Variants in PDZRN3 observed in about 807,000 individuals in gnomAD.
PDZRN3 encodes the protein E3 ubiquitin-protein ligase PDZRN3.
A neutral mutation model predicts 85.7 loss-of-function variants in PDZRN3; 38 were observed. That is an observed-to-expected ratio of 0.44 (90% confidence interval 0.34 to 0.58). The LOEUF (loss-of-function observed/expected upper bound fraction) is 0.58. Ranked by LOEUF, PDZRN3 falls within the 20% of genes least tolerant of loss-of-function variation. The pLI is 0.01. For synonymous variants in PDZRN3, 759 were observed against 638.0 expected (o/e 1.19, Z -2.86); for missense variants, 1,629 against 1,506.4 (o/e 1.08, Z -1.35).
intron 5 of PDZRN3, among the ~76,000 whole-genome samples, chr3:73,400,436 T>C (rs1001293954): frequency 6.6e-6 from 1 of 152,210 alleles, no homozygotes; most frequent in Admixed American, 6.5e-5. Flanking sequence ...AGTTGCAGAC[T>C]TGTTTAATTT....
At chr3:73,458,329 T>G (rs1296338020) in intron 3 of PDZRN3, among the ~76,000 whole-genome samples, 1 of 151,630 alleles carries the variant, frequency 6.6e-6, no homozygotes, top group Non-Finnish European at 1.5e-5. Flanking sequence ...TGCCAATACC[T>G]CTCTTTCAGA....
At chr3:73,399,475 G>A (rs1701707088) in intron 5 of PDZRN3, among the ~76,000 whole-genome samples, 4 of 152,198 alleles carry the variant, frequency 2.6e-5, no homozygotes, top group Admixed American at 6.5e-5. Flanking sequence ...AATCTGTTTC[G>A]TTGTCTTCAG....
intron 3 of PDZRN3, among the ~76,000 whole-genome samples, chr3:73,518,635 C>T (rs1462426346): frequency 6.6e-6 from 1 of 152,060 alleles, no homozygotes; most frequent in African/African-American, 2.4e-5. Context: ...AAACAACAGA[C>T]ATTTATTTTC....
intron 3 of PDZRN3, among the ~76,000 whole-genome samples, chr3:73,502,942 T>G (rs1318382332): frequency 1.3e-5 from 2 of 152,230 alleles, no homozygotes; most frequent in African/African-American, 4.8e-5. Context: ...TTTTGATCTG[T>G]TAAGTAAGAA....
intron 3 of PDZRN3, among the ~76,000 whole-genome samples, chr3:73,555,637 T>C (rs1411359569): frequency 2.6e-5 from 4 of 152,176 alleles, no homozygotes; most frequent in African/African-American, 9.7e-5. Flanking sequence ...TACCAAGTCC[T>C]ATACTTTGGG....
chr3:73,469,331 G>A (rs1409318393), intron 3 of PDZRN3, among the ~76,000 whole-genome samples: 2 of 152,188 alleles, frequency 1.3e-5, no homozygotes, highest in East Asian at 3.9e-4. Flanking sequence ...TCAGCCTCCC[G>A]AAGTGCTGGG....
intron 3 of PDZRN3, among the ~76,000 whole-genome samples, chr3:73,579,447 T>C (rs1055419810): frequency 3.3e-5 from 5 of 152,196 alleles, no homozygotes; most frequent in African/African-American, 9.7e-5. Flanking sequence ...TCAATTTGAG[T>C]TACCAGTTAT....
At chr3:73,509,100 A>G (rs1321332709) in intron 3 of PDZRN3, among the ~76,000 whole-genome samples, 2 of 152,220 alleles carry the variant, frequency 1.3e-5, no homozygotes, top group Admixed American at 6.5e-5. Context: ...GCTGCCTTAA[A>G]TCCTTTGTGG....
intron 3 of PDZRN3, among the ~76,000 whole-genome samples, chr3:73,555,053 G>T (rs1043941798): frequency 6.6e-6 from 1 of 152,164 alleles, no homozygotes; most frequent in Non-Finnish European, 1.5e-5. Context: ...TTGCAGGGGG[G>T]ATAGAAAAAT....
chr3:73,384,221 G>A lies in PDZRN3; in HGVS notation c.2345C>T (p.Ala782Val), dbSNP rs764320742. Reference protein sequence around the residue: ...EISPDNSLRRAAEGISCPSSE... With the variant: ...EISPDNSLRRVAEGISCPSSE... ...GCTCGGGCAGCTGATGCCCTCCGCC[G>A]CTCTCCTCAAGGAGTTGTCGGGGGA... Residue 782 changes from alanine (A) to valine (V), a missense_variant, in exon 10 of 10, where the codon GCG (alanine) becomes GTG (valine). By Grantham distance (64) the Ala-to-Val change is moderately conservative. Coordinates refer to ENST00000263666, the MANE Select transcript of PDZRN3 (RefSeq NM_015009.3). 5.6e-6 allele frequency: 9 copies of A among 1,613,634 alleles called. No homozygotes were observed. Among genetic ancestry groups the A allele is most frequent in the South Asian group, 1.1e-5 (1 of 91,082 alleles).
intron 3 of PDZRN3, among the ~76,000 whole-genome samples, chr3:73,479,770 C>A (rs1486860844): frequency 6.6e-6 from 1 of 152,174 alleles, no homozygotes; most frequent in Non-Finnish European, 1.5e-5. Flanking sequence ...GAACTCAACT[C>A]CCCTTTCACA....
At position 73,382,473 on chromosome 3, in the gene PDZRN3, T is replaced by C. The variant is rs1369243214; in HGVS notation, c.*892A>G. The C allele has an allele frequency of 6.6e-6, 1 of 152,524 alleles. No homozygotes were observed. The highest frequency in any genetic ancestry group is 2.4e-5 in the African/African-American group (1 of 41,454). 9.4% of individuals were successfully genotyped at this position (152,524 alleles called of 1,614,324 possible). A position where few individuals can be genotyped will look rare whatever the true frequency, so the allele number is the denominator to read the frequency against. Reference sequence around the variant, plus strand: ...TTATTTTATAGGCACCACTGCAAAATGAGGAATCACATCAAAACATATCAA... The same window carrying C: ...TTATTTTATAGGCACCACTGCAAAACGAGGAATCACATCAAAACATATCAA... On this transcript the variant is annotated 3_prime_UTR_variant, in exon 10 of 10. Transcript: ENST00000263666.
chr3:73,586,319 G>A (rs1348890154), intron 3 of PDZRN3, among the ~76,000 whole-genome samples: 1 of 152,218 alleles, frequency 6.6e-6, no homozygotes, highest in Admixed American at 6.5e-5. Context: ...AGGTGTTGTC[G>A]AAGTATCAAA....
chr3:73,467,678 TCACA>T lies in PDZRN3; in HGVS notation c.919-63287_919-63284del, dbSNP rs570305745. On this transcript the variant is annotated intron_variant, in intron 3 of 9. Transcript: ENST00000263666. ...AGTGGGAGATAAGAACCTCAGAGTG[TCACA>T]CAGTAGAACTCAGCTAGCATCTAAT... is the stretch of plus-strand genomic sequence containing the variant. 3.7e-4 allele frequency among the ~76,000 whole-genome samples: 57 copies of T among 152,362 alleles called. 1 individual carries two copies. The highest frequency in any genetic ancestry group is 1.9e-3 in the Admixed American group (29 of 15,302).
At chr3:73,491,571 A>T (rs1220706420) in intron 3 of PDZRN3, among the ~76,000 whole-genome samples, 1 of 138,378 alleles carries the variant, frequency 7.2e-6, no homozygotes, top group Non-Finnish European at 1.6e-5. Context: ...AGAGCAAAAG[A>T]AAAACCTTGT....
At chr3:73,388,321 T>C (rs1701443111) in intron 7 of PDZRN3, among the ~76,000 whole-genome samples, 1 of 151,998 alleles carries the variant, frequency 6.6e-6, no homozygotes, top group Non-Finnish European at 1.5e-5. Context: ...GTGTGGGGTG[T>C]GAACAGAAGG....
chr3:73,473,477 A>C (rs1056174233), intron 3 of PDZRN3, among the ~76,000 whole-genome samples: 8 of 152,100 alleles, frequency 5.3e-5, no homozygotes, highest in South Asian at 4.1e-4. Context: ...AAAAAAAAAA[A>C]CAGAAATTGG....
intron 3 of PDZRN3, among the ~76,000 whole-genome samples, chr3:73,575,238 C>T (rs1263379093): frequency 6.6e-6 from 1 of 152,148 alleles, no homozygotes. Flanking sequence ...AGAGCAAATA[C>T]AGTATGTGTG....
intron 3 of PDZRN3, among the ~76,000 whole-genome samples, chr3:73,467,344 T>C (rs1703240855): frequency 1.3e-5 from 2 of 152,204 alleles, no homozygotes; most frequent in South Asian, 4.1e-4. Context: ...AATTTTTTTG[T>C]TTCAGTATAC....
Sources: allele counts gnomAD v4.1 joint callset (sites outside exome capture counted in the v4.1 genomes callset), GRCh38; gene constraint gnomAD v4.1.1; transcripts MANE v1.5; gene names NCBI Gene and HGNC (gene_info 2026-07-23, HGNC 2026-07-21).